Variants in EPHB4 observed in about 807,000 individuals in gnomAD.
EPHB4 encodes the protein EPH receptor B4.
EPHB4 carries 50 observed loss-of-function variants against 110.6 expected under a neutral mutation model. The ratio of observed to expected loss-of-function variants is 0.45; its 90% confidence interval spans 0.36 to 0.57. The LOEUF (loss-of-function observed/expected upper bound fraction) is 0.57, where lower values mean the gene tolerates loss of function less well. Among genes scored for constraint, EPHB4 ranks in the 20% least tolerant of loss-of-function variants. EPHB4 has a pLI of 0.00. For synonymous variants in EPHB4, 592 were observed against 578.4 expected (o/e 1.02, Z -0.34); for missense variants, 1,128 against 1,382.1 (o/e 0.82, Z 2.91).
At position 100,819,698 on chromosome 7, in the gene EPHB4, G is replaced by C; in HGVS notation, c.1156C>G (p.Leu386Val). 6.2e-6 allele frequency: 10 copies of C among 1,613,690 alleles called. No individual in the cohort carries two copies. The highest frequency in any genetic ancestry group is 8.5e-6 in the Non-Finnish European group (10 of 1,179,952). ...DLTFDPGPRD[L>V]VEPWVVVRGL... is the part of the protein sequence containing the mutation. ...CGAACCACCACCCAGGGCTCCACCA[G>C]GTCCCGGGGGCCGGGGTCAAAAGTC... Residue 386 changes from leucine (L) to valine (V), a missense_variant, in exon 6 of 17, where the codon CTG becomes GTG. Physicochemically the swap from Leu to Val is conservative, Grantham distance 32. Transcript: ENST00000358173.
At chr7:100,809,044 CTT>C in intron 12 of EPHB4, among the ~76,000 whole-genome samples, 1 of 152,202 alleles carries the variant, frequency 6.6e-6, no homozygotes. Flanking sequence ...TGGCAACAGG[CTT>C]CTGCTGCAGG....
At chr7:100,820,371 C>T (rs947890006) in intron 4 of EPHB4, 75 bp from the exon 5 acceptor site, 1 of 1,515,152 alleles carries the variant, frequency 6.6e-7, no homozygotes, top group East Asian at 2.4e-5. Context: ...TGGCTCATGC[C>T]TCGAATCCCA....
rs897915447 is a variant in EPHB4 at position 100,826,496 on chromosome 7, G to A, written c.52+483C>T. Among the ~76,000 whole-genome samples, 15 of 152,254 alleles carry A rather than the reference G, an allele frequency of 9.9e-5. No homozygotes were observed. The South Asian group carries it at 1.0e-3, about 11-fold the overall frequency. The stretch of plus-strand genomic sequence containing the variant: ...CAAAGGAGGCCATCCTGTTGCAGGA[G>A]TGTGGAACTGGAGGATCAAGGTGTG... On this transcript the variant is annotated intron_variant, in intron 1 of 16. Coordinates refer to ENST00000358173, the MANE Select transcript of EPHB4 (RefSeq NM_004444.5).
At chr7:100,805,786 G>T in intron 14 of EPHB4, 92 bp from the exon 15 acceptor site, 3 of 1,260,126 alleles carry the variant, frequency 2.4e-6, no homozygotes, top group Non-Finnish European at 3.1e-6. Flanking sequence ...AAGATGGTAG[G>T]ATAGGAGCCA....
chr7:100,824,101 G>A lies in EPHB4; in HGVS notation c.123+102C>T, dbSNP rs977895354. On this transcript the variant is annotated intron_variant, in intron 2 of 16. Coordinates refer to ENST00000358173, the MANE Select transcript of EPHB4 (RefSeq NM_004444.5). Reference sequence around the variant, plus strand: ...CACTGCTGGGGCTGCTGTCATCTGGGGGGACAGGGGAGAGGAGTGGCACAC... The same window carrying A: ...CACTGCTGGGGCTGCTGTCATCTGGAGGGACAGGGGAGAGGAGTGGCACAC... 16 of 1,560,890 alleles carry A rather than the reference G, an allele frequency of 1.0e-5. No individual in the cohort carries two copies. In the African/African-American group the frequency reaches 1.5e-4, roughly 15 times the overall value.
intron 8 of EPHB4, 73 bp from the exon 9 acceptor site, chr7:100,814,094 A>G: frequency 2.6e-6 from 4 of 1,525,932 alleles, no homozygotes; most frequent in Admixed American, 3.7e-5. Flanking sequence ...GCTTTGAGCA[A>G]TGAACTGTGA....
chr7:100,819,171 G>C (rs542014657), intron 6 of EPHB4, among the ~76,000 whole-genome samples: 84 of 152,212 alleles, frequency 5.5e-4, no homozygotes, highest in African/African-American at 1.8e-3. Context: ...GGCATGCAGC[G>C]GTGCGATCAT....
chr7:100,821,439 C>T (rs1165827531), intron 4 of EPHB4, among the ~76,000 whole-genome samples: 1 of 150,940 alleles, frequency 6.6e-6, no homozygotes, highest in Non-Finnish European at 1.5e-5. Context: ...ACCATCCTGG[C>T]TAACACGGTG....
At chr7:100,811,878 A>AG (rs1266047102) in intron 12 of EPHB4, among the ~76,000 whole-genome samples, 6 of 151,678 alleles carry the variant, frequency 4.0e-5, no homozygotes, top group African/African-American at 1.5e-4. Context: ...TTAAAAAAAA[A>AG]AAAAAAAAAT....
chr7:100,824,221 G>A lies in EPHB4; in HGVS notation c.105C>T (p.Phe35=). 4 of 1,614,044 alleles carry A rather than the reference G, an allele frequency of 2.5e-6. No homozygotes were observed. Among genetic ancestry groups the A allele is most frequent in the Non-Finnish European group, 3.4e-6 (4 of 1,179,994 alleles). Residue 35 remains phenylalanine (F), a synonymous_variant, in exon 2 of 17, where the codon TTC becomes TTT. Transcript: ENST00000358173. ...LETADLKWVT[F]PQVDGQWEEL... Reference sequence around the variant, plus strand: ...CTCTCACCTGCCCGTCCACCTGAGGGAATGTCACCCACTTCAGATCAGCAG... The same window carrying A: ...CTCTCACCTGCCCGTCCACCTGAGGAAATGTCACCCACTTCAGATCAGCAG...
intron 5 of EPHB4, 79 bp downstream of exon 5, chr7:100,820,062 G>A (rs1056723994): frequency 1.3e-6 from 2 of 1,558,548 alleles, no homozygotes; most frequent in Admixed American, 1.8e-5. Context: ...GCCCAGGGAG[G>A]ATGGGGGCCA....
intron 8 of EPHB4, among the ~76,000 whole-genome samples, chr7:100,816,015 G>A (rs188676826): frequency 2.0e-5 from 3 of 151,094 alleles, no homozygotes; most frequent in South Asian, 2.1e-4. Flanking sequence ...TAGGCCGGGC[G>A]TGGTGGCTCA....
At position 100,817,253 on chromosome 7, in the gene EPHB4, C is replaced by T. The variant is rs567343197; in HGVS notation, c.1527G>A (p.Ala509=). ...RGASYLVQVR[A]RSEAGYGPFG... ...AGGGCCCGTAGCCGGCCTCAGAGCG[C>T]GCCCGTACCTGCACCAGGTAGCTGG... is the stretch of plus-strand genomic sequence containing the variant. Residue 509 remains alanine, a synonymous_variant, in exon 8 of 17, where the codon GCG becomes GCA. Coordinates refer to ENST00000358173, the MANE Select transcript of EPHB4 (RefSeq NM_004444.5). 25 of 1,606,776 alleles carry T rather than the reference C, an allele frequency of 1.6e-5. No individual in the cohort carries two copies. The highest frequency in any genetic ancestry group is 2.3e-5 in the East Asian group (1 of 44,100).
At chr7:100,821,359 G>C (rs1217742167) in intron 4 of EPHB4, 1 of 151,696 alleles carries the variant, frequency 6.6e-6, no homozygotes, top group Non-Finnish European at 1.5e-5. Flanking sequence ...TCCGGGTGTG[G>C]TGGCTCACAC....
intron 13 of EPHB4, 124 bp downstream of exon 13, chr7:100,807,241 C>T (rs762947550): frequency 6.2e-6 from 6 of 971,974 alleles, no homozygotes; most frequent in South Asian, 1.6e-5. Flanking sequence ...TCCCCCCACC[C>T]ACAGCCTGCT....
intron 1 of EPHB4, 116 bp downstream of exon 1, chr7:100,826,863 G>T: frequency 1.7e-6 from 2 of 1,205,958 alleles, no homozygotes; most frequent in Non-Finnish European, 2.3e-6. Flanking sequence ...AAGTGTTTGG[G>T]ACTGCAGTGC....
At chr7:100,811,865 G>A (rs1264773241) in intron 12 of EPHB4, among the ~76,000 whole-genome samples, 2 of 146,648 alleles carry the variant, frequency 1.4e-5, no homozygotes, top group African/African-American at 5.1e-5. Flanking sequence ...GTGAGACTCT[G>A]TCTTAAAAAA....
At chr7:100,807,636 T>C in intron 12 of EPHB4, 56 bp from the exon 13 acceptor site, 2 of 1,527,258 alleles carry the variant, frequency 1.3e-6, no homozygotes, top group Non-Finnish European at 8.9e-7. Context: ...CCGTTCCCCC[T>C]CCCATCCACA....
At position 100,812,741 on chromosome 7, in the gene EPHB4, G is replaced by A. The variant is rs1812966222; in HGVS notation, c.2118+6C>T. 4 of 1,610,746 alleles carry A rather than the reference G, an allele frequency of 2.5e-6. No individual in the cohort carries two copies. ...GGTGGCCGCAGAAGCCAGGGAGGGT[G>A]CTCACCCGCAGGAAGGAGTCCAGGG... On this transcript the variant is annotated splice_donor_region_variant and intron_variant, in intron 12 of 16. Transcript: ENST00000358173.
Sources: allele counts gnomAD v4.1 joint callset (sites outside exome capture counted in the v4.1 genomes callset), GRCh38; gene constraint gnomAD v4.1.1; transcripts MANE v1.5; gene names NCBI Gene and HGNC (gene_info 2026-07-23, HGNC 2026-07-21).